LIMS1: variants seen among roughly 807,000 people sequenced by gnomAD.
LIMS1 encodes LIM zinc finger domain containing 1.
A neutral mutation model predicts 44.1 loss-of-function variants in LIMS1; 18 were observed. The observed-to-expected ratio is 0.41, with a 90% CI of 0.28 to 0.61. The LOEUF is 0.61. LIMS1 is among the 20% of genes least tolerant of loss of function. LIMS1 has a pLI of 0.32. For synonymous variants in LIMS1, 93 were observed against 149.1 expected (o/e 0.62, Z 2.74); for missense variants, 201 against 422.0 (o/e 0.48, Z 4.59).
At chr2:108,651,555 G>C (rs565232427) in intron 1 of LIMS1, among the ~76,000 whole-genome samples, 3 of 152,334 alleles carry the variant, frequency 2.0e-5, no homozygotes, top group Admixed American at 1.3e-4. Context: ...TATCTTCATA[G>C]TATATGGTAC....
At chr2:108,560,110 A>G (rs916094483) in intron 1 of LIMS1, among the ~76,000 whole-genome samples, 1 of 152,178 alleles carries the variant, frequency 6.6e-6, no homozygotes, top group Non-Finnish European at 1.5e-5. Flanking sequence ...ATGATGGGCC[A>G]CAGGGTGGGT....
chr2:108,663,404 G>A (rs1691506573), intron 2 of LIMS1, among the ~76,000 whole-genome samples: 1 of 152,154 alleles, frequency 6.6e-6, no homozygotes, highest in South Asian at 2.1e-4. Context: ...CAACCCAGAG[G>A]CCCTAACGCT....
chr2:108,636,717 G>A (rs1456408372), intron 1 of LIMS1, among the ~76,000 whole-genome samples: 1 of 152,154 alleles, frequency 6.6e-6, no homozygotes, highest in Admixed American at 6.5e-5. Flanking sequence ...TTGAGAAGAG[G>A]TAAGGAATGG....
At chr2:108,647,016 C>T (rs539913694) in intron 1 of LIMS1, among the ~76,000 whole-genome samples, 13 of 152,000 alleles carry the variant, frequency 8.6e-5, no homozygotes, top group East Asian at 5.8e-4. Context: ...TCACCGCGCC[C>T]GGCCCAGGAG....
chr2:108,631,685 G>A (rs1688931424), intron 1 of LIMS1, among the ~76,000 whole-genome samples: 1 of 151,946 alleles, frequency 6.6e-6, no homozygotes, highest in Non-Finnish European at 1.5e-5. Flanking sequence ...CAACCTGGAT[G>A]TTGTCACACA....
intron 1 of LIMS1, among the ~76,000 whole-genome samples, chr2:108,569,190 C>T (rs72833159): frequency 0.054 from 8,232 of 152,184 alleles, 380 homozygotes; most frequent in Non-Finnish European, 0.075. Context: ...CGCACCTGGC[C>T]GTGTTGTTGT....
At chr2:108,543,161 T>C (rs1042373640) in intron 1 of LIMS1, among the ~76,000 whole-genome samples, 2 of 152,224 alleles carry the variant, frequency 1.3e-5, no homozygotes, top group South Asian at 2.1e-4. Flanking sequence ...CTGGGCATGG[T>C]GGCTCACACC....
rs1363204519 is a variant in LIMS1, at chr2:108,610,772, C to T, written c.33-48833C>T. 2.0e-5 allele frequency among the ~76,000 whole-genome samples: 3 copies of T among 152,248 alleles called. No individual in the cohort carries two copies. In the East Asian group the frequency reaches 5.8e-4, roughly 29 times the overall value. ...AGTCTCTCTTAATCTGCAGGAAAAC[C>T]CCTTCTCTGTTTTTCCTCCAGTCAT... is the stretch of plus-strand genomic sequence containing the variant. On this transcript the variant is annotated intron_variant, in intron 1 of 9. Transcript: ENST00000544547.
chr2:108,570,771 G>A (rs1685454929), intron 1 of LIMS1, among the ~76,000 whole-genome samples: 1 of 152,182 alleles, frequency 6.6e-6, no homozygotes, highest in African/African-American at 2.4e-5. Context: ...GTGGTTGTGA[G>A]CAGCGACCTT....
intron 1 of LIMS1, among the ~76,000 whole-genome samples, chr2:108,552,585 GGTGTGTGTGTGT>G (rs151262934): frequency 2.0e-5 from 2 of 101,872 alleles, no homozygotes; most frequent in Non-Finnish European, 4.4e-5. Flanking sequence ...ATATATTTTG[GGTGTGTGTGTGT>G]GTGTGTGTGT....
chr2:108,595,249 G>T (rs1292538368), intron 1 of LIMS1, among the ~76,000 whole-genome samples: 1 of 152,104 alleles, frequency 6.6e-6, no homozygotes, highest in Non-Finnish European at 1.5e-5. Context: ...TAACCATTAG[G>T]AGTGGAAACC....
intron 1 of LIMS1, among the ~76,000 whole-genome samples, chr2:108,639,814 G>A (rs1206209309): frequency 1.3e-5 from 2 of 152,178 alleles, no homozygotes; most frequent in Non-Finnish European, 2.9e-5. Context: ...CAGTTGGCAG[G>A]AATATGCGTG....
intron 1 of LIMS1, among the ~76,000 whole-genome samples, chr2:108,539,274 A>C (rs184908028): frequency 6.6e-6 from 1 of 152,162 alleles, no homozygotes; most frequent in Admixed American, 6.5e-5. Context: ...TTGTAGTGAC[A>C]GGGTTTCCCC....
rs567447607 is a variant in LIMS1, at chr2:108,630,781, C to G, written c.33-28824C>G. Among the ~76,000 whole-genome samples, 4 of 152,250 alleles carry G rather than the reference C, an allele frequency of 2.6e-5. No individual in the cohort carries two copies. In the East Asian group the frequency reaches 7.7e-4, roughly 29 times the overall value. On this transcript the variant is annotated intron_variant, in intron 1 of 9. Coordinates refer to ENST00000544547, the Ensembl canonical transcript of LIMS1. ...CACCAGGATTTCACCACCCATGGCT[C>G]TAGCATGAGTAATTTGGAGGTTGAG...
At chr2:108,685,172 T>C (rs1438540854) in exon 10 of LIMS1, 1 of 152,172 alleles carries the variant, frequency 6.6e-6, no homozygotes, top group Non-Finnish European at 1.5e-5. Context: ...TGAAATCTTA[T>C]AATTAATTTG....
At chr2:108,653,114 A>G (rs182604801) in intron 1 of LIMS1, among the ~76,000 whole-genome samples, 3 of 152,250 alleles carry the variant, frequency 2.0e-5, no homozygotes, top group East Asian at 3.9e-4. Flanking sequence ...GGTTCAAAGT[A>G]GAAAGACTTG....
intron 1 of LIMS1, among the ~76,000 whole-genome samples, chr2:108,629,649 C>T (rs924821385): frequency 6.6e-6 from 1 of 152,202 alleles, no homozygotes; most frequent in Non-Finnish European, 1.5e-5. Context: ...CCTTGGGCCT[C>T]TCTGAAGCCC....
At chr2:108,613,176 C>A (rs2148856125) in intron 1 of LIMS1, among the ~76,000 whole-genome samples, 1 of 152,248 alleles carries the variant, frequency 6.6e-6, no homozygotes, top group East Asian at 1.9e-4. Context: ...GGTAGGTACT[C>A]CAACGTCAGT....
intron 1 of LIMS1, among the ~76,000 whole-genome samples, chr2:108,626,421 G>T (rs1209003067): frequency 6.6e-6 from 1 of 152,138 alleles, no homozygotes; most frequent in Non-Finnish European, 1.5e-5. Context: ...CCACTTGCTA[G>T]TGTTGCTTTT....
Sources: gnomAD v4.1 joint callset for allele counts (sites outside exome capture counted in the v4.1 genomes callset) on GRCh38, gnomAD v4.1.1 for gene constraint, MANE v1.5 for transcripts, NCBI Gene and HGNC (gene_info 2026-07-23, HGNC 2026-07-21) for gene names.